The following PCNX4 variants were observed in gnomAD, a reference collection of about 807,000 sequenced individuals.
PCNX4 encodes pecanex 4, also known as pecanex-like protein 4.
A neutral mutation model predicts 107.2 loss-of-function variants in PCNX4; 103 were observed. The ratio of observed to expected loss-of-function variants is 0.96; its 90% CI spans 0.82 to 1.13. The LOEUF (loss-of-function observed/expected upper bound fraction) is 1.13. PCNX4 is among the 50% of genes most tolerant of loss of function. The pLI, the probability that PCNX4 is intolerant of heterozygous loss-of-function variation, is 0.00. For synonymous variants in PCNX4, 541 were observed against 481.7 expected (o/e 1.12, Z -1.61); for missense variants, 1,528 against 1,379.4 (o/e 1.11, Z -1.71).
chr14:60,095,488 A>G (rs1279308738), intron 1 of PCNX4, among the ~76,000 whole-genome samples: 1 of 152,168 alleles, frequency 6.6e-6, no homozygotes, highest in Non-Finnish European at 1.5e-5. Context: ...TCTTGTAGCC[A>G]TCCTATTTAG....
intron 1 of PCNX4, among the ~76,000 whole-genome samples, chr14:60,093,276 C>G (rs550712804): frequency 3.3e-5 from 5 of 152,164 alleles, no homozygotes; most frequent in African/African-American, 1.2e-4. Context: ...ATTGTGCAAC[C>G]CTTACCACAG....
In PCNX4 at chr14:60,115,765, A is replaced by G; in HGVS notation, c.1404A>G (p.Leu468=). Residue 468 remains leucine, a synonymous_variant, in exon 5 of 11, where the codon TTA becomes TTG. Coordinates refer to ENST00000406854, the MANE Select transcript of PCNX4 (RefSeq NM_001330177.2). ...MIAFLSLDSS[L]QGLHSVSVCI... ...CATTTCTTTCATTGGACAGTTCCTT[A>G]CAAGGGCTCCACTCAGTGTCTGTCT... The G allele has an allele frequency of 6.2e-7, 1 of 1,613,442 alleles. No homozygotes were observed.
In PCNX4 at chr14:60,125,318, T is replaced by C. The variant is rs1896034600; in HGVS notation, c.3080+67T>C. On this transcript the variant is annotated intron_variant, in intron 9 of 10. Coordinates refer to ENST00000406854, the MANE Select transcript of PCNX4 (RefSeq NM_001330177.2). ...AAAATACTGATTTTTCTAAATCACG[T>C]ACAAGAAGACAGTTATTCGTTTCTA... 8 of 1,362,320 alleles carry C rather than the reference T, an allele frequency of 5.9e-6. No individual in the cohort carries two copies. In the East Asian group the frequency reaches 2.0e-4, roughly 35 times the overall value. 84.4% of individuals were successfully genotyped at this position (1,362,320 alleles called of 1,614,324 possible).
At position 60,137,851 on chromosome 14, in the gene PCNX4, A is replaced by C. The variant is rs1030061281; in HGVS notation, c.*3630A>C. On this transcript the variant is annotated 3_prime_UTR_variant, in exon 11 of 11. Coordinates refer to ENST00000406854, the MANE Select transcript of PCNX4 (RefSeq NM_001330177.2). ...ACGCCTGTAATCCCAGCACTTTGGGAGGCTGAGGCGGGTGGATCATGAGGT... is the reference window on the plus strand; with the variant it reads ...ACGCCTGTAATCCCAGCACTTTGGGCGGCTGAGGCGGGTGGATCATGAGGT... The C allele has an allele frequency of 6.6e-6, 1 of 152,110 alleles. No homozygotes were observed. Among genetic ancestry groups the C allele is most frequent in the Non-Finnish European group, 1.5e-5 (1 of 68,008 alleles). 9.4% of individuals were successfully genotyped at this position (152,110 alleles called of 1,614,324 possible). A position where few individuals can be genotyped will look rare whatever the true frequency, so the allele number is the denominator to read the frequency against.
In PCNX4 at chr14:60,125,250, A is replaced by G. The variant is rs1896033071; in HGVS notation, c.3079A>G (p.Arg1027Gly). 2 of 1,546,052 alleles carry G rather than the reference A, an allele frequency of 1.3e-6. No homozygotes were observed. Among genetic ancestry groups the G allele is most frequent in the Non-Finnish European group, 1.7e-6 (2 of 1,150,668 alleles). ...ELFQLALKAF[R>G]YTLKLMIDKA... ...GTTTCAACTAGCACTGAAAGCATTCAGGTAATCCATTTTGATCATATGTAA... is the reference window on the plus strand; with the variant it reads ...GTTTCAACTAGCACTGAAAGCATTCGGGTAATCCATTTTGATCATATGTAA... Residue 1027 changes from arginine to glycine, a missense_variant and splice_region_variant, in exon 9 of 11, where the codon AGG becomes GGG. By Grantham distance (125) the Arg-to-Gly change is moderately radical. Coordinates refer to ENST00000406854, the MANE Select transcript of PCNX4 (RefSeq NM_001330177.2).
At position 60,107,950 on chromosome 14, in the gene PCNX4, A is replaced by G. The variant is rs376728346; in HGVS notation, c.312A>G (p.Ile104Met). Residue 104 changes from isoleucine (I) to methionine (M), a missense_variant, in exon 2 of 11, where the codon ATA becomes ATG. Physicochemically the swap from Ile to Met is conservative, Grantham distance 10. Coordinates refer to ENST00000406854, the MANE Select transcript of PCNX4 (RefSeq NM_001330177.2). ...ACAAATCAACAACAGTAGAAAGAATACTAACCACGGATATCTTAGCAGAGG... is the reference window on the plus strand; with the variant it reads ...ACAAATCAACAACAGTAGAAAGAATGCTAACCACGGATATCTTAGCAGAGG... ...AKNKSTTVER[I>M]LTTDILAEED... 61 of 1,612,888 alleles carry G rather than the reference A, an allele frequency of 3.8e-5. No individual in the cohort carries two copies. In the African/African-American group the frequency reaches 7.5e-4, roughly 20 times the overall value.
At chr14:60,127,096 A>G (rs1896069183) in intron 10 of PCNX4, among the ~76,000 whole-genome samples, 1 of 152,228 alleles carries the variant, frequency 6.6e-6, no homozygotes, top group African/African-American at 2.4e-5. Flanking sequence ...GTGTAGACAC[A>G]TTAAAGCCCA....
chr14:60,105,900 C>A (rs1389629601), intron 1 of PCNX4, among the ~76,000 whole-genome samples: 1 of 152,194 alleles, frequency 6.6e-6, no homozygotes, highest in African/African-American at 2.4e-5. Context: ...CTTCAAAATC[C>A]AGTCTATCCC....
chr14:60,124,138 T>A, intron 8 of PCNX4, 80 bp from the exon 9 acceptor site: 1 of 1,138,282 alleles, frequency 8.8e-7, no homozygotes, highest in Non-Finnish European at 1.2e-6. Flanking sequence ...GATGAGAATC[T>A]ATGGGCATTT....
In PCNX4 at chr14:60,140,229, C is replaced by CCAAT. The variant is rs1421377843; in HGVS notation, c.*6009_*6012dup. 1 of 152,018 alleles carries CCAAT rather than the reference C, an allele frequency of 6.6e-6. No homozygotes were observed. Among genetic ancestry groups the CCAAT allele is most frequent in the Non-Finnish European group, 1.5e-5 (1 of 68,012 alleles). The allele number at this position is 152,018 out of a possible 1,614,324, so 9.4% of individuals were successfully genotyped here. A position where few individuals can be genotyped will look rare whatever the true frequency, so the allele number is the denominator to read the frequency against. On this transcript the variant is annotated 3_prime_UTR_variant, in exon 11 of 11. Coordinates refer to ENST00000406854, the MANE Select transcript of PCNX4 (RefSeq NM_001330177.2). This position sits in a 1 kb window ranked among gnomAD's most constrained non-coding sequence, Gnocchi z 4.2. ...GACAAAATATGTGCACAACTTCATG[C>CCAAT]CAATTAGTTGGAAATTTTAGATGAA...
At chr14:60,127,777 G>A (rs1255017031) in intron 10 of PCNX4, among the ~76,000 whole-genome samples, 1 of 152,154 alleles carries the variant, frequency 6.6e-6, no homozygotes, top group East Asian at 1.9e-4. Flanking sequence ...AGACAACCAG[G>A]CTTGCCTGTA....
chr14:60,133,201 A>G (rs935246569), intron 10 of PCNX4, among the ~76,000 whole-genome samples: 1 of 152,248 alleles, frequency 6.6e-6, no homozygotes, highest in Non-Finnish European at 1.5e-5. Context: ...CCAACTGTAC[A>G]TCAATTGCTG....
chr14:60,111,076 A>G (rs906536481), intron 2 of PCNX4: 1 of 166,366 alleles, frequency 6.0e-6, no homozygotes, highest in Non-Finnish European at 1.5e-5. Context: ...AGTCTTCACC[A>G]GAACCTGACT....
At position 60,147,640 on chromosome 14, in the gene PCNX4, T is replaced by A. The variant is rs1896442308; in HGVS notation, c.*13419T>A. On this transcript the variant is annotated 3_prime_UTR_variant, in exon 11 of 11. Transcript: ENST00000406854. ...CTCCAAGTTGTGTTTTAAGTGCTTTTCATATATTAAATTCATGTAATTCCC... is the reference window on the plus strand; with the variant it reads ...CTCCAAGTTGTGTTTTAAGTGCTTTACATATATTAAATTCATGTAATTCCC... 1 of 152,194 alleles carries A rather than the reference T, an allele frequency of 6.6e-6. No individual in the cohort carries two copies. Among genetic ancestry groups the A allele is most frequent in the Admixed American group, 6.6e-5 (1 of 15,264 alleles). The allele number at this position is 152,194 out of a possible 1,614,324, so 9.4% of individuals were successfully genotyped here. A position where few individuals can be genotyped will look rare whatever the true frequency, so the allele number is the denominator to read the frequency against.
chr14:60,114,591 G>GTT (rs11399265), intron 2 of PCNX4, 109 bp from the exon 3 acceptor site: 13,731 of 668,934 alleles, frequency 0.021, 1 homozygote, highest in Non-Finnish European at 0.024. Context: ...TGTGTGTGTG[G>GTT]TTTTTTTTTG....
At chr14:60,130,257 T>C (rs1012401694) in intron 10 of PCNX4, among the ~76,000 whole-genome samples, 2 of 151,268 alleles carry the variant, frequency 1.3e-5, no homozygotes, top group Admixed American at 1.3e-4. Context: ...GGAAGATTGC[T>C]TGAGCACAGG....
chr14:60,109,102 T>C (rs1895687398), intron 2 of PCNX4: 2 of 166,988 alleles, frequency 1.2e-5, no homozygotes, highest in Non-Finnish European at 2.9e-5. Flanking sequence ...CTAGTCCCCT[T>C]ATGAGAAGAG....
intron 6 of PCNX4, 129 bp from the exon 7 acceptor site, chr14:60,118,196 CAAAG>C: frequency 8.0e-7 from 1 of 1,247,572 alleles, no homozygotes; most frequent in Non-Finnish European, 1.0e-6. Flanking sequence ...ACAAAAAAAT[CAAAG>C]AATAAGATTT....
intron 1 of PCNX4, among the ~76,000 whole-genome samples, chr14:60,101,882 G>A (rs1157253805): frequency 2.6e-5 from 4 of 151,978 alleles, no homozygotes; most frequent in South Asian, 2.1e-4. Context: ...GACATACAAC[G>A]GACTATTATT....
Sources: gnomAD v4.1 joint callset for allele counts (sites outside exome capture counted in the v4.1 genomes callset) on GRCh38, gnomAD v4.1.1 for gene constraint, Gnocchi (gnomAD v3.1) non-coding constraint, MANE v1.5 for transcripts, NCBI Gene and HGNC (gene_info 2026-07-23, HGNC 2026-07-21) for gene names.